Variants in WDFY2 observed in about 807,000 individuals in gnomAD.
WDFY2 encodes WD repeat and FYVE domain-containing protein 2.
WDFY2 carries 36 observed loss-of-function variants against 56.4 expected under a neutral mutation model. That is an observed-to-expected ratio of 0.64 (90% CI 0.49 to 0.84). The LOEUF (loss-of-function observed/expected upper bound fraction) is 0.84, where lower values mean the gene tolerates loss of function less well. Among genes scored for constraint, WDFY2 ranks in the 40% least tolerant of loss-of-function variants. The pLI, the probability that WDFY2 is intolerant of heterozygous loss-of-function variation, is 0.00. For synonymous variants in WDFY2, 176 were observed against 183.7 expected, an observed-to-expected ratio of 0.96 and a Z score of 0.34; for missense variants, 444 against 512.2, an observed-to-expected ratio of 0.87 and a Z score of 1.29.
At chr13:51,691,541 G>A (rs879315304) in intron 3 of WDFY2, among the ~76,000 whole-genome samples, 4,649 of 151,812 alleles carry the variant, frequency 0.031, 92 homozygotes, top group African/African-American at 0.039. Context: ...GCTCTGTTCC[G>A]TTCCATTGAT....
intron 1 of WDFY2, among the ~76,000 whole-genome samples, chr13:51,655,563 T>G (rs1955494843): frequency 6.6e-6 from 1 of 152,164 alleles, no homozygotes; most frequent in African/African-American, 2.4e-5. Context: ...ATATAATCGT[T>G]TTAATGTGCT....
chr13:51,694,972 A>G (rs1396136153), intron 3 of WDFY2, among the ~76,000 whole-genome samples: 3 of 152,064 alleles, frequency 2.0e-5, no homozygotes, highest in Non-Finnish European at 2.9e-5. Flanking sequence ...AGTTGATCGC[A>G]TCGGCTCCTG....
At chr13:51,600,857 A>G (rs1328850591) in intron 1 of WDFY2, among the ~76,000 whole-genome samples, 1 of 152,220 alleles carries the variant, frequency 6.6e-6, no homozygotes, top group Non-Finnish European at 1.5e-5. Flanking sequence ...GAACACTCAC[A>G]GACTCTTGTG....
chr13:51,626,021 T>C (rs1954829975), intron 1 of WDFY2, among the ~76,000 whole-genome samples: 1 of 152,248 alleles, frequency 6.6e-6, no homozygotes, highest in African/African-American at 2.4e-5. Context: ...CAGCCAAGCA[T>C]GGCCTGCTGG....
At chr13:51,746,499 A>G (rs994562137) in intron 7 of WDFY2, among the ~76,000 whole-genome samples, 4 of 152,184 alleles carry the variant, frequency 2.6e-5, no homozygotes, top group Non-Finnish European at 5.9e-5. Flanking sequence ...GGCTAGTCAT[A>G]TCTGATTCAA....
intron 1 of WDFY2, among the ~76,000 whole-genome samples, chr13:51,647,961 T>G (rs971507429): frequency 2.0e-5 from 3 of 151,954 alleles, no homozygotes; most frequent in African/African-American, 7.3e-5. Flanking sequence ...AACAAGAAAG[T>G]CAAATACAAA....
intron 1 of WDFY2, chr13:51,594,052 AC>A (rs1421583250): frequency 6.6e-6 from 1 of 152,210 alleles, no homozygotes; most frequent in African/African-American, 2.4e-5. Context: ...TTCTTAGGCA[AC>A]CTGGTGGTCC....
At chr13:51,639,995 T>G (rs1341383842) in intron 1 of WDFY2, among the ~76,000 whole-genome samples, 1 of 152,234 alleles carries the variant, frequency 6.6e-6, no homozygotes, top group Non-Finnish European at 1.5e-5. Context: ...GCAAATATGC[T>G]AGATAATTAG....
intron 1 of WDFY2, among the ~76,000 whole-genome samples, chr13:51,614,965 A>C (rs1006366572): frequency 6.6e-6 from 1 of 152,216 alleles, no homozygotes; most frequent in Non-Finnish European, 1.5e-5. Flanking sequence ...TTGATGTAAA[A>C]GAATAAAGTA....
At chr13:51,677,107 G>A (rs1326943444) in intron 3 of WDFY2, among the ~76,000 whole-genome samples, 1 of 152,168 alleles carries the variant, frequency 6.6e-6, no homozygotes, top group African/African-American at 2.4e-5. Flanking sequence ...GTATATAAGA[G>A]GCGAAACCAT....
chr13:51,765,041 G>A lies in WDFY2; in HGVS notation c.*5272G>A, dbSNP rs1051249390. On this transcript the variant is annotated 3_prime_UTR_variant, in exon 12 of 12. Coordinates refer to ENST00000298125, the MANE Select transcript of WDFY2 (RefSeq NM_052950.4). ...CACAGATGATTCCAGTACAATGTGGGAGGTCCTCCTTACAGGGGCACTTGC... is the reference window on the plus strand; with the variant it reads ...CACAGATGATTCCAGTACAATGTGGAAGGTCCTCCTTACAGGGGCACTTGC... 1 of 152,302 alleles carries A rather than the reference G, an allele frequency of 6.6e-6. No individual in the cohort carries two copies. Among genetic ancestry groups the A allele is most frequent in the African/African-American group, 2.4e-5 (1 of 41,516 alleles). The allele number at this position is 152,302 out of a possible 1,614,324, so 9.4% of individuals were successfully genotyped here. A position where few individuals can be genotyped will look rare whatever the true frequency, so the allele number is the denominator to read the frequency against.
At chr13:51,758,871 A>G (rs1202372802) in intron 11 of WDFY2, among the ~76,000 whole-genome samples, 1 of 152,182 alleles carries the variant, frequency 6.6e-6, no homozygotes, top group Non-Finnish European at 1.5e-5. Context: ...GATCTCCGTG[A>G]CTTTGAGAGG....
At chr13:51,740,482 G>A (rs190552965) in intron 7 of WDFY2, among the ~76,000 whole-genome samples, 15 of 152,316 alleles carry the variant, frequency 9.8e-5, no homozygotes, top group African/African-American at 1.7e-4. Flanking sequence ...TTGGGAGGCC[G>A]AGGCGGGCGG....
intron 1 of WDFY2, among the ~76,000 whole-genome samples, chr13:51,604,201 A>AAATAATAC (rs1383916820): frequency 1.3e-5 from 2 of 152,214 alleles, no homozygotes; most frequent in African/African-American, 4.8e-5. Context: ...TTTCTTTAGA[A>AAATAATAC]AATAATACAT....
At chr13:51,719,108 G>A in intron 4 of WDFY2, 90 bp from the exon 5 acceptor site, 17 of 1,553,376 alleles carry the variant, frequency 1.1e-5, no homozygotes, top group Non-Finnish European at 1.4e-5. Flanking sequence ...TCTGGGGTGG[G>A]GAGAAGAGAA....
At chr13:51,636,798 G>A (rs923592348) in intron 1 of WDFY2, among the ~76,000 whole-genome samples, 2 of 152,174 alleles carry the variant, frequency 1.3e-5, no homozygotes, top group Non-Finnish European at 2.9e-5. Flanking sequence ...CGTTTATATG[G>A]TCACTTTATT....
At chr13:51,596,604 A>G (rs1954155100) in intron 1 of WDFY2, among the ~76,000 whole-genome samples, 1 of 152,232 alleles carries the variant, frequency 6.6e-6, no homozygotes, top group Non-Finnish European at 1.5e-5. Context: ...GAATGGGCTC[A>G]GTGTTCCAAA....
intron 6 of WDFY2, among the ~76,000 whole-genome samples, chr13:51,737,827 G>T (rs914664371): frequency 6.6e-5 from 10 of 152,176 alleles, no homozygotes; most frequent in African/African-American, 2.2e-4. Context: ...ACATGCAGTG[G>T]CTAACCACAT....
chr13:51,701,978 A>G (rs1383118328), intron 3 of WDFY2, among the ~76,000 whole-genome samples: 1 of 152,146 alleles, frequency 6.6e-6, no homozygotes, highest in East Asian at 1.9e-4. Flanking sequence ...TACCCACACT[A>G]TAAGCACTTT....
Sources: gnomAD v4.1 joint callset for allele counts (sites outside exome capture counted in the v4.1 genomes callset) on GRCh38, gnomAD v4.1.1 for gene constraint, MANE v1.5 for transcripts, NCBI Gene and HGNC (gene_info 2026-07-23, HGNC 2026-07-21) for gene names.